Variants in DAB1 observed in about 807,000 individuals in gnomAD.
The protein encoded by DAB1 is disabled homolog 1.
DAB1 carries 15 observed loss-of-function variants against 64.6 expected under a neutral mutation model. The observed-to-expected ratio is 0.23, with a 90% confidence interval of 0.16 to 0.36. The LOEUF (loss-of-function observed/expected upper bound fraction) is 0.36, where lower values mean the gene tolerates loss of function less well. Ranked by LOEUF, DAB1 falls within the 10% of genes least tolerant of loss-of-function variation. DAB1 has a pLI of 1.00. For synonymous variants in DAB1, 235 were observed against 251.9 expected, an observed-to-expected ratio of 0.93 and a Z score of 0.64; for missense variants, 596 against 706.7, an observed-to-expected ratio of 0.84 and a Z score of 1.78.
chr1:57,791,864 C>T lies in DAB1; in HGVS notation n.551+92135G>A, dbSNP rs181011355. ...CAGGCTTGACCACCCTCTCAATCTC[C>T]GAGCACACTTACTTCTTAATCAACT... On this transcript the variant is annotated intron_variant and non_coding_transcript_variant, in intron 6 of 20. Coordinates refer to the DAB1 transcript ENST00000485760. 4.7e-3 allele frequency among the ~76,000 whole-genome samples: 721 copies of T among 152,282 alleles called. 3 individuals are homozygous for T. The highest frequency in any genetic ancestry group is 0.017 in the African/African-American group (696 of 41,552).
intron 5 of DAB1, among the ~76,000 whole-genome samples, chr1:57,978,146 T>C (rs1345657871): frequency 1.3e-5 from 2 of 152,092 alleles, no homozygotes; most frequent in Non-Finnish European, 2.9e-5. Flanking sequence ...GGAGGCATTA[T>C]GCTACCTGAC....
At chr1:57,690,476 C>A (rs1646751247) in intron 6 of DAB1, among the ~76,000 whole-genome samples, 1 of 152,136 alleles carries the variant, frequency 6.6e-6, no homozygotes, top group African/African-American at 2.4e-5. Context: ...CTCCAGCCAT[C>A]TAAGACATGC....
At chr1:57,475,710 C>A (rs972719635) in intron 7 of DAB1, among the ~76,000 whole-genome samples, 10 of 152,178 alleles carry the variant, frequency 6.6e-5, no homozygotes, top group Admixed American at 5.2e-4. Flanking sequence ...CTCCTAAGTC[C>A]AGGCCTTTCA....
chr1:57,640,242 T>A (rs1646111954), intron 7 of DAB1, among the ~76,000 whole-genome samples: 1 of 152,218 alleles, frequency 6.6e-6, no homozygotes, highest in African/African-American at 2.4e-5. Context: ...TTCCTTAGAT[T>A]TCTAAAATTT....
chr1:57,130,452 T>C (rs530869386), intron 4 of DAB1, among the ~76,000 whole-genome samples: 113 of 152,308 alleles, frequency 7.4e-4, no homozygotes, highest in African/African-American at 2.6e-3. Context: ...AAGATCTATC[T>C]GCACTCCCAT....
chr1:57,224,568 T>C (rs1201923143), intron 2 of DAB1, among the ~76,000 whole-genome samples: 1 of 152,254 alleles, frequency 6.6e-6, no homozygotes, highest in Non-Finnish European at 1.5e-5. Context: ...AATGCCAGGA[T>C]GGGTCATATC....
At chr1:57,999,202 G>A (rs1246935211) in intron 5 of DAB1, among the ~76,000 whole-genome samples, 2 of 152,030 alleles carry the variant, frequency 1.3e-5, no homozygotes, top group South Asian at 2.1e-4. Context: ...TAAATACATC[G>A]TTTCTCATAA....
chr1:57,587,270 T>C (rs1645391585), intron 7 of DAB1, among the ~76,000 whole-genome samples: 1 of 152,186 alleles, frequency 6.6e-6, no homozygotes, highest in African/African-American at 2.4e-5. Flanking sequence ...GCTAGCAACA[T>C]CTACAGGGTT....
At position 58,356,545 on chromosome 1, in the gene DAB1, C is replaced by T. The variant is rs1274081336; in HGVS notation, n.258-13142G>A. On this transcript the variant is annotated intron_variant and non_coding_transcript_variant, in intron 3 of 20. Transcript: ENST00000485760. Reference sequence around the variant, plus strand: ...GACATTTGGACTGTGATTTGAACGACAAGCAGAGAACCAGCATGTAAGATT... The same window carrying T: ...GACATTTGGACTGTGATTTGAACGATAAGCAGAGAACCAGCATGTAAGATT... 3.3e-5 allele frequency among the ~76,000 whole-genome samples: 5 copies of T among 152,136 alleles called. No individual in the cohort carries two copies. In the East Asian group the frequency reaches 9.7e-4, roughly 29 times the overall value.
At chr1:58,035,713 T>C (rs1647034712) in intron 5 of DAB1, among the ~76,000 whole-genome samples, 2 of 152,200 alleles carry the variant, frequency 1.3e-5, no homozygotes, top group Admixed American at 1.3e-4. Flanking sequence ...TGGCTCCCCC[T>C]GGAGTTGTGA....
chr1:58,176,125 T>C (rs535956473), intron 4 of DAB1, among the ~76,000 whole-genome samples: 1 of 152,312 alleles, frequency 6.6e-6, no homozygotes, highest in Non-Finnish European at 1.5e-5. Flanking sequence ...CATTCACTGA[T>C]GTTCTTAACC....
chr1:58,079,260 C>T (rs1409584736), intron 5 of DAB1, among the ~76,000 whole-genome samples: 1 of 152,172 alleles, frequency 6.6e-6, no homozygotes, highest in Non-Finnish European at 1.5e-5. Context: ...CATCAGGGAA[C>T]CCCTCCCAGA....
rs1553140874 is a variant in DAB1, at chr1:57,094,127, G to GAAAA, written c.307-21714_307-21713insTTTT. Among the ~76,000 whole-genome samples, 3 of 86,000 alleles carry GAAAA rather than the reference G, an allele frequency of 3.5e-5. 1 individual carries two copies. Among genetic ancestry groups the GAAAA allele is most frequent in the Non-Finnish European group, 2.6e-5 (1 of 38,384 alleles). 56.4% of individuals were successfully genotyped at this position (86,000 alleles called of 152,430 possible). A position where few individuals can be genotyped will look rare whatever the true frequency, so the allele number is the denominator to read the frequency against. ...CTGCCTCAAAAAAAAAAAAAAAAAG[G>GAAAA]AATCTTGGAGTTGACATCTTCAAAA... On this transcript the variant is annotated intron_variant, in intron 4 of 14. Transcript: ENST00000371236.
At chr1:57,431,143 C>CACAAAAAAA (rs749097562) in intron 7 of DAB1, among the ~76,000 whole-genome samples, 11 of 96,416 alleles carry the variant, frequency 1.1e-4, no homozygotes, top group Middle Eastern at 6.1e-3. Flanking sequence ...AGGCCAAAAA[C>CACAAAAAAA]AAAAAAAAAA....
chr1:58,043,715 G>C lies in DAB1; in HGVS notation n.387+106796C>G, dbSNP rs139494435. ...TGAATACTTGACAGAGTCAAACAGA[G>C]AGGATAATCACAACCCACATTTTTT... On this transcript the variant is annotated intron_variant and non_coding_transcript_variant, in intron 5 of 20. Coordinates refer to the DAB1 transcript ENST00000485760. 7.1e-3 allele frequency among the ~76,000 whole-genome samples: 1,073 copies of C among 151,794 alleles called. 8 individuals are homozygous for C. The highest frequency in any genetic ancestry group is 0.011 in the Non-Finnish European group (734 of 68,018).
At chr1:57,413,756 A>AG (rs1684292828) in intron 1 of DAB1, among the ~76,000 whole-genome samples, 2 of 150,000 alleles carry the variant, frequency 1.3e-5, no homozygotes, top group East Asian at 3.9e-4. Flanking sequence ...AAAAAAAAAA[A>AG]AAAAAAAAAA....
intron 6 of DAB1, among the ~76,000 whole-genome samples, chr1:57,757,445 G>A (rs1648869921): frequency 6.6e-6 from 1 of 152,034 alleles, no homozygotes; most frequent in African/African-American, 2.4e-5. Flanking sequence ...AAGACTTAAA[G>A]GGTGAATACT....
intron 6 of DAB1, among the ~76,000 whole-genome samples, chr1:57,668,815 C>T (rs1054695286): frequency 6.6e-6 from 1 of 151,980 alleles, no homozygotes; most frequent in African/African-American, 2.4e-5. Context: ...TCTGAAGATC[C>T]GATCCCTGAA....
intron 4 of DAB1, among the ~76,000 whole-genome samples, chr1:57,074,395 C>T (rs61163916): frequency 0.012 from 1,816 of 152,202 alleles, 44 homozygotes; most frequent in African/African-American, 0.041. Flanking sequence ...ACTCTCTAAG[C>T]TCTTATTCCA....
Sources: gnomAD v4.1 joint callset for allele counts (sites outside exome capture counted in the v4.1 genomes callset) on GRCh38, gnomAD v4.1.1 for gene constraint, MANE v1.5 for transcripts, NCBI Gene and HGNC (gene_info 2026-07-23, HGNC 2026-07-21) for gene names.